The following FIGN variants were observed in gnomAD, a reference collection of about 807,000 sequenced individuals.
FIGN encodes fidgetin.
A neutral mutation model predicts 51.3 loss-of-function variants in FIGN; 11 were observed. The ratio of observed to expected loss-of-function variants is 0.21; its 90% CI spans 0.13 to 0.35. FIGN has a LOEUF of 0.35. FIGN is among the 10% of genes least tolerant of loss of function. The pLI is 1.00. For missense variants in FIGN, 857 were observed against 943.6 expected (o/e 0.91, Z 1.20); for synonymous variants, 407 against 363.2 (o/e 1.12, Z -1.37).
At chr2:163,648,292 C>T (rs1371369013) in intron 2 of FIGN, among the ~76,000 whole-genome samples, 1 of 152,140 alleles carries the variant, frequency 6.6e-6, no homozygotes, top group Non-Finnish European at 1.5e-5. Context: ...CCCATCCCAA[C>T]TCCCAGCCTC....
chr2:163,676,366 T>C (rs1683963739), intron 2 of FIGN, among the ~76,000 whole-genome samples: 1 of 148,398 alleles, frequency 6.7e-6, no homozygotes, highest in Admixed American at 6.8e-5. Flanking sequence ...TTTATGTTTA[T>C]TCGTACAAAA....
chr2:163,694,150 C>G (rs1412389398), intron 2 of FIGN, among the ~76,000 whole-genome samples: 1 of 152,148 alleles, frequency 6.6e-6, no homozygotes, highest in African/African-American at 2.4e-5. Flanking sequence ...GTGGAAGGAA[C>G]TACGTCATAT....
At chr2:163,713,448 C>A (rs1684619391) in intron 2 of FIGN, among the ~76,000 whole-genome samples, 1 of 148,360 alleles carries the variant, frequency 6.7e-6, no homozygotes, top group Non-Finnish European at 1.5e-5. Flanking sequence ...CTTTCACACA[C>A]CACACACACA....
intron 2 of FIGN, among the ~76,000 whole-genome samples, chr2:163,676,434 AATATATATATATATATATATAT>A (rs202072418): frequency 2.3e-4 from 15 of 65,872 alleles, no homozygotes; most frequent in African/African-American, 5.9e-4. Flanking sequence ...GGATTCCTGG[AATATATATATATATATATATAT>A]ATATATATAT....
intron 2 of FIGN, among the ~76,000 whole-genome samples, chr2:163,640,301 T>C (rs567109756): frequency 6.6e-6 from 1 of 152,104 alleles, no homozygotes; most frequent in Non-Finnish European, 1.5e-5. Flanking sequence ...GTAACAAAAA[T>C]AGAAGAATCA....
chr2:163,734,396 A>C (rs1684981434), intron 2 of FIGN, among the ~76,000 whole-genome samples: 1 of 151,924 alleles, frequency 6.6e-6, no homozygotes, highest in Non-Finnish European at 1.5e-5. Flanking sequence ...CAAAGTGCAA[A>C]CATCAAGAGC....
chr2:163,720,781 A>AACAC (rs147735125), intron 2 of FIGN, among the ~76,000 whole-genome samples: 1 of 151,230 alleles, frequency 6.6e-6, no homozygotes, highest in Non-Finnish European at 1.5e-5. Flanking sequence ...CTACTAAATA[A>AACAC]ACACACACAC....
Position 163,609,490 on chromosome 2 carries a change from A to G in FIGN, c.*62T>C. 3 of 1,413,006 alleles carry G rather than the reference A, an allele frequency of 2.1e-6. No individual in the cohort carries two copies. In the South Asian group the frequency reaches 3.9e-5, roughly 18 times the overall value. The allele number at this position is 1,413,006 out of a possible 1,614,324, so 87.5% of individuals were successfully genotyped here. On this transcript the variant is annotated 3_prime_UTR_variant, in exon 3 of 3. Coordinates refer to ENST00000333129, the MANE Select transcript of FIGN (RefSeq NM_018086.4). ...CTACTGGAAAGGGGCTCTATTCCCT[A>G]TGTAGCAGGTTTTATGTGTGTGTGC...
In FIGN at chr2:163,611,556, C is replaced by T; in HGVS notation, c.276G>A (p.Ser92=). Residue 92 remains serine, a synonymous_variant, in exon 3 of 3, where the codon TCG becomes TCA. Transcript: ENST00000333129. ...PVDRPVLSNY[S]DTPSGLVNGR... is the part of the protein sequence containing the mutation. ...CGTTCACTAGTCCTGATGGTGTGTC[C>T]GAATAGTTGCTGAGTACGGGTCGGT... The T allele has an allele frequency of 6.2e-7, 1 of 1,614,136 alleles. No individual in the cohort carries two copies. The highest frequency in any genetic ancestry group is 8.5e-7 in the Non-Finnish European group (1 of 1,180,020).
At chr2:163,684,166 TAC>T (rs144392438) in intron 2 of FIGN, among the ~76,000 whole-genome samples, 8 of 151,190 alleles carry the variant, frequency 5.3e-5, no homozygotes, top group East Asian at 1.9e-4. Context: ...AAATTATCTT[TAC>T]ACACACACAC....
rs1347556599 is a variant in FIGN, at chr2:163,610,560, C to T, written c.1272G>A (p.Ser424=). The T allele has an allele frequency of 2.5e-6, 4 of 1,613,988 alleles. No individual in the cohort carries two copies. The highest frequency in any genetic ancestry group is 1.1e-5 in the South Asian group (1 of 91,086). ...CGTCCCCATGCTCACTCATTACTGG[C>T]GATGTGTACTTCCCAAAGGATTCAC... is the stretch of plus-strand genomic sequence containing the variant. The part of the protein sequence containing the change: ...RSSESFGKYT[S]PVMSEHGDEH... Residue 424 remains serine (S), a synonymous_variant, in exon 3 of 3, where the codon TCG becomes TCA. Coordinates refer to ENST00000333129, the MANE Select transcript of FIGN (RefSeq NM_018086.4).
intron 2 of FIGN, among the ~76,000 whole-genome samples, chr2:163,652,828 C>G (rs569214627): frequency 1.3e-5 from 2 of 152,242 alleles, no homozygotes; most frequent in South Asian, 4.1e-4. Context: ...ACCCTCATTT[C>G]TAATCATCAT....
At chr2:163,695,670 A>G (rs180845162) in intron 2 of FIGN, among the ~76,000 whole-genome samples, 1 of 152,362 alleles carries the variant, frequency 6.6e-6, no homozygotes, top group East Asian at 1.9e-4. Context: ...ACTAAGATGT[A>G]TATTCCCAGT....
At chr2:163,731,372 T>C (rs1391568703) in intron 2 of FIGN, among the ~76,000 whole-genome samples, 9 of 152,170 alleles carry the variant, frequency 5.9e-5, no homozygotes, top group Admixed American at 4.6e-4. Flanking sequence ...ATGGTCTCTA[T>C]AGATTCTTGG....
intron 2 of FIGN, among the ~76,000 whole-genome samples, chr2:163,663,347 T>C (rs887431637): frequency 6.6e-6 from 1 of 151,964 alleles, no homozygotes; most frequent in Non-Finnish European, 1.5e-5. Flanking sequence ...GTTTGTTTGT[T>C]TTTTGAGACG....
intron 2 of FIGN, among the ~76,000 whole-genome samples, chr2:163,661,016 T>C (rs960157759): frequency 2.8e-5 from 4 of 142,518 alleles, no homozygotes; most frequent in Non-Finnish European, 6.1e-5. Context: ...CCCAAGTAGC[T>C]GGTATTACAG....
chr2:163,630,170 T>G (rs976502975), intron 2 of FIGN, among the ~76,000 whole-genome samples: 7 of 151,562 alleles, frequency 4.6e-5, no homozygotes, highest in African/African-American at 1.2e-4. Context: ...GTCATGATAT[T>G]GCCCAGATTG....
chr2:163,680,702 T>TC (rs1684048503), intron 2 of FIGN, among the ~76,000 whole-genome samples: 1 of 151,978 alleles, frequency 6.6e-6, no homozygotes, highest in Non-Finnish European at 1.5e-5. Flanking sequence ...TCTCTGTGCT[T>TC]CCCCCCAATC....
chr2:163,629,429 G>A (rs1433668571), intron 2 of FIGN, among the ~76,000 whole-genome samples: 1 of 152,110 alleles, frequency 6.6e-6, no homozygotes, highest in Non-Finnish European at 1.5e-5. Context: ...AAGGGGTTGT[G>A]AGAAAGTGAG....
Sources: gnomAD v4.1 joint callset for allele counts (sites outside exome capture counted in the v4.1 genomes callset) on GRCh38, gnomAD v4.1.1 for gene constraint, MANE v1.5 for transcripts, NCBI Gene and HGNC (gene_info 2026-07-23, HGNC 2026-07-21) for gene names.